Variants in MORC1 observed in about 807,000 individuals in gnomAD.
MORC1 encodes the protein MORC family CW-type zinc finger protein 1.
A neutral mutation model predicts 134.9 loss-of-function variants in MORC1; 59 were observed. That is an observed-to-expected ratio of 0.44 (90% CI 0.35 to 0.54). MORC1 has a LOEUF of 0.54. Among genes scored for constraint, MORC1 ranks in the 20% least tolerant of loss-of-function variants. The pLI, the probability that MORC1 is intolerant of heterozygous loss-of-function variation, is 0.00. For synonymous variants in MORC1, 395 were observed against 391.7 expected, an observed-to-expected ratio of 1.01 and a Z score of -0.10; for missense variants, 947 against 1,134.5, an observed-to-expected ratio of 0.83 and a Z score of 2.37.
intron 3 of MORC1, among the ~76,000 whole-genome samples, chr3:109,104,706 T>A (rs986449043): frequency 6.6e-6 from 1 of 152,166 alleles, no homozygotes. Flanking sequence ...CTAATGAGAC[T>A]AATTTTAGTG....
chr3:109,113,569 T>G (rs182064329), intron 2 of MORC1, among the ~76,000 whole-genome samples: 1 of 152,294 alleles, frequency 6.6e-6, no homozygotes, highest in Admixed American at 6.5e-5. Context: ...TGCACATTAC[T>G]TCCTGGATGG....
intron 17 of MORC1, among the ~76,000 whole-genome samples, chr3:109,010,833 A>G (rs1017241287): frequency 1.3e-5 from 2 of 152,202 alleles, no homozygotes; most frequent in African/African-American, 4.8e-5. Flanking sequence ...GTGAATCAAG[A>G]GTGCACTCCT....
At chr3:108,979,482 A>G (rs1379956441) in intron 24 of MORC1, 33 bp downstream of exon 24, 1 of 1,606,988 alleles carries the variant, frequency 6.2e-7, no homozygotes, top group Non-Finnish European at 8.5e-7. Context: ...AGTTAAACAA[A>G]GCATGTGGAA....
intron 8 of MORC1, 139 bp from the exon 9 acceptor site, chr3:109,069,896 C>T: frequency 1.2e-6 from 1 of 829,560 alleles, no homozygotes; most frequent in African/African-American, 1.7e-5. Flanking sequence ...ACTAATGACA[C>T]CACAAACACC....
chr3:109,077,861 A>G (rs1950451726), intron 8 of MORC1, among the ~76,000 whole-genome samples: 2 of 152,118 alleles, frequency 1.3e-5, no homozygotes, highest in South Asian at 4.1e-4. Context: ...GCTGTTTGTA[A>G]CAGACAAATC....
intron 26 of MORC1, among the ~76,000 whole-genome samples, chr3:108,965,050 C>G (rs3804724): frequency 2.0e-5 from 3 of 151,952 alleles, no homozygotes; most frequent in Non-Finnish European, 2.9e-5. Flanking sequence ...GGAGAGATAT[C>G]TACTGCCTGA....
chr3:109,011,524 G>GTT (rs577815272), intron 17 of MORC1, among the ~76,000 whole-genome samples: 4,513 of 138,292 alleles, frequency 0.033, 239 homozygotes, highest in African/African-American at 0.11. Flanking sequence ...CTTTGTTTTT[G>GTT]TTTTTTTTTT....
intron 2 of MORC1, among the ~76,000 whole-genome samples, chr3:109,112,340 T>C (rs1185523688): frequency 6.6e-6 from 1 of 152,240 alleles, no homozygotes; most frequent in Non-Finnish European, 1.5e-5. Context: ...TCAGTTCTAA[T>C]TTTTAAAACT....
intron 6 of MORC1, among the ~76,000 whole-genome samples, chr3:109,097,805 T>A (rs181455062): frequency 1.3e-5 from 2 of 152,200 alleles, no homozygotes; most frequent in African/African-American, 4.8e-5. Context: ...AAATAATAGT[T>A]GATGGCTTGG....
intron 21 of MORC1, among the ~76,000 whole-genome samples, chr3:108,987,718 T>C (rs1947933673): frequency 1.3e-5 from 2 of 151,934 alleles, no homozygotes; most frequent in South Asian, 2.1e-4. Context: ...TTAAGATCCA[T>C]TTTACAAGGC....
chr3:109,024,865 TG>T (rs1243799711), intron 17 of MORC1, among the ~76,000 whole-genome samples: 1 of 152,234 alleles, frequency 6.6e-6, no homozygotes, highest in East Asian at 1.9e-4. Flanking sequence ...AATGATGGCC[TG>T]TTTTTCTAGC....
intron 23 of MORC1, among the ~76,000 whole-genome samples, chr3:108,983,770 C>T (rs1947818843): frequency 6.6e-6 from 1 of 152,150 alleles, no homozygotes; most frequent in South Asian, 2.1e-4. Context: ...AAGAAGGGAA[C>T]ACTTGAACTG....
At chr3:109,016,878 A>C (rs1477967434) in intron 17 of MORC1, among the ~76,000 whole-genome samples, 1 of 152,162 alleles carries the variant, frequency 6.6e-6, no homozygotes, top group Non-Finnish European at 1.5e-5. Flanking sequence ...AAAAGAAAAA[A>C]GAAAAGAAAG....
At chr3:109,093,621 G>A in intron 7 of MORC1, 80 bp from the exon 8 acceptor site, 1 of 1,016,790 alleles carries the variant, frequency 9.8e-7, no homozygotes, top group Non-Finnish European at 1.5e-6. Context: ...TTTCATCTAT[G>A]GAACTGAGTC....
chr3:109,007,941 A>ATGTG lies in MORC1; in HGVS notation c.1705-854_1705-851dup, dbSNP rs113629397. Among the ~76,000 whole-genome samples the ATGTG allele has an allele frequency of 1.5e-3, 226 of 149,614 alleles. 1 individual carries two copies. The highest frequency in any genetic ancestry group is 5.1e-3 in the South Asian group (24 of 4,694). Reference sequence around the variant, plus strand: ...ATATAGCATATATAAGCACATATATATGTGTGTGTGTGTGTGTGTGTGTAT... The same window carrying ATGTG: ...ATATAGCATATATAAGCACATATATATGTGTGTGTGTGTGTGTGTGTGTGTGTAT... On this transcript the variant is annotated intron_variant, in intron 17 of 27. Coordinates refer to ENST00000232603, the MANE Select transcript of MORC1 (RefSeq NM_014429.4).
At chr3:108,996,286 G>GCGCACACACACACACACACA in intron 21 of MORC1, among the ~76,000 whole-genome samples, 63 of 146,470 alleles carry the variant, frequency 4.3e-4, no homozygotes, top group African/African-American at 8.1e-4. Flanking sequence ...GCGCGCGCGC[G>GCGCACACACACACACACACA]CACACACACA....
intron 17 of MORC1, among the ~76,000 whole-genome samples, chr3:109,026,010 A>C (rs1278696817): frequency 6.6e-6 from 1 of 152,190 alleles, no homozygotes; most frequent in Non-Finnish European, 1.5e-5. Flanking sequence ...TGTATTTCCC[A>C]TAATTCCCAG....
At chr3:109,063,105 G>T (rs13060344) in intron 10 of MORC1, 47 bp downstream of exon 10, 183,139 of 1,360,776 alleles carry the variant, frequency 0.13, 13,203 homozygotes, top group Middle Eastern at 0.15. Context: ...ATTAACATTT[G>T]CTGAATGACT....
At position 109,095,040 on chromosome 3, in the gene MORC1, A is replaced by C. The variant is rs750996869; in HGVS notation, c.452T>G (p.Ile151Arg). 2.5e-6 allele frequency: 4 copies of C among 1,591,362 alleles called. No homozygotes were observed. Among genetic ancestry groups the C allele is most frequent in the Non-Finnish European group, 2.6e-6 (3 of 1,173,544 alleles). ...EVVVPMPSWL[I>R]RTRESVTDDP... ...ATCTGTGACAGATTCTCTGGTTCTTATTAACCATGAGGGCATTGGAACTAC... is the reference window on the plus strand; with the variant it reads ...ATCTGTGACAGATTCTCTGGTTCTTCTTAACCATGAGGGCATTGGAACTAC... Residue 151 changes from isoleucine (I) to arginine (R), a missense_variant, in exon 7 of 28, where the codon ATA (isoleucine) becomes AGA (arginine). Coordinates refer to ENST00000232603, the MANE Select transcript of MORC1 (RefSeq NM_014429.4).
Sources: allele counts gnomAD v4.1 joint callset (sites outside exome capture counted in the v4.1 genomes callset), GRCh38; gene constraint gnomAD v4.1.1; transcripts MANE v1.5; gene names NCBI Gene and HGNC (gene_info 2026-07-23, HGNC 2026-07-21).